PARD3B: variants seen among roughly 807,000 people sequenced by gnomAD.
PARD3B encodes partitioning defective 3 homolog B.
A neutral mutation model predicts 130.2 loss-of-function variants in PARD3B; 103 were observed. The observed-to-expected ratio is 0.79, with a 90% CI of 0.67 to 0.93. The LOEUF is 0.93. PARD3B is among the 40% of genes least tolerant of loss of function. The pLI, the probability that PARD3B is intolerant of heterozygous loss-of-function variation, is 0.00. For missense variants in PARD3B, 1,609 were observed against 1,499.2 expected, an observed-to-expected ratio of 1.07 and a Z score of -1.21; for synonymous variants, 583 against 553.2, an observed-to-expected ratio of 1.05 and a Z score of -0.76.
chr2:205,431,000 G>A lies in PARD3B; in HGVS notation c.2742-9370G>A, dbSNP rs141007180. On this transcript the variant is annotated intron_variant, in intron 19 of 22. Coordinates refer to ENST00000406610, the MANE Select transcript of PARD3B (RefSeq NM_001302769.2). ...TATTTTGATATGCCTTTGGAAGTAT[G>A]TAGGGGGATTTACTTTCAAAATGCT... Among the ~76,000 whole-genome samples the A allele has an allele frequency of 2.3e-4, 35 of 152,340 alleles. 1 individual carries two copies. In the East Asian group the frequency reaches 4.8e-3, roughly 21 times the overall value.
At chr2:205,150,144 A>G (rs532409888) in intron 10 of PARD3B, among the ~76,000 whole-genome samples, 10 of 152,282 alleles carry the variant, frequency 6.6e-5, no homozygotes, top group East Asian at 5.8e-4. Context: ...GCAAAGAATA[A>G]CAAGTAATGA....
intron 2 of PARD3B, among the ~76,000 whole-genome samples, chr2:204,794,563 A>G (rs1302415616): frequency 1.3e-5 from 2 of 152,188 alleles, no homozygotes; most frequent in Non-Finnish European, 2.9e-5. Flanking sequence ...CCAGGGCACT[A>G]TTATATGGTC....
intron 20 of PARD3B, among the ~76,000 whole-genome samples, chr2:205,468,358 G>A (rs2048705853): frequency 6.6e-6 from 1 of 152,314 alleles, no homozygotes; most frequent in East Asian, 1.9e-4. Context: ...CCTTACAGCA[G>A]AGCCTTCTCT....
At chr2:205,215,815 G>A (rs1187023414) in intron 15 of PARD3B, among the ~76,000 whole-genome samples, 1 of 151,828 alleles carries the variant, frequency 6.6e-6, no homozygotes, top group Non-Finnish European at 1.5e-5. Context: ...GACCAAGATG[G>A]AATATAAAAA....
intron 4 of PARD3B, chr2:205,048,139 C>A (rs533159590): frequency 2.6e-5 from 4 of 152,952 alleles, no homozygotes; most frequent in Middle Eastern, 3.4e-3. Flanking sequence ...CTTCCAGTTT[C>A]GTAATGTCCA....
rs796125381 is a variant in PARD3B at position 205,309,970 on chromosome 2, A to C, written c.2630+8269A>C. 5.9e-5 allele frequency among the ~76,000 whole-genome samples: 9 copies of C among 152,022 alleles called. No individual in the cohort carries two copies. The East Asian group carries it at 1.4e-3, about 23-fold the overall frequency. Reference sequence around the variant, plus strand: ...AAAGTAAAAACTGTCTATATATGGTATGCAACATGATGTTTTAATATATAT... The same window carrying C: ...AAAGTAAAAACTGTCTATATATGGTCTGCAACATGATGTTTTAATATATAT... On this transcript the variant is annotated intron_variant, in intron 18 of 22. Transcript: ENST00000406610. The surrounding 1 kb of genome is among the most constrained non-coding windows in gnomAD (Gnocchi z 4.7).
chr2:205,242,253 T>G (rs2039384471), intron 15 of PARD3B, among the ~76,000 whole-genome samples: 1 of 152,186 alleles, frequency 6.6e-6, no homozygotes. Context: ...TTTATATTAG[T>G]GTTTGATATA....
chr2:205,314,918 C>T (rs994507238), intron 18 of PARD3B, among the ~76,000 whole-genome samples: 1 of 152,146 alleles, frequency 6.6e-6, no homozygotes, highest in Admixed American at 6.5e-5. Context: ...TTCCCATCTC[C>T]ACCCTTCCGT....
At chr2:204,620,841 T>C (rs189114425) in intron 1 of PARD3B, among the ~76,000 whole-genome samples, 42 of 152,108 alleles carry the variant, frequency 2.8e-4, no homozygotes, top group Non-Finnish European at 4.3e-4. Context: ...GCTAGGGGAA[T>C]GGGGCAAGGA....
intron 21 of PARD3B, among the ~76,000 whole-genome samples, chr2:205,514,790 A>ATAT (rs2050723910): frequency 6.7e-6 from 1 of 149,768 alleles, no homozygotes. Flanking sequence ...CTTTTATTTT[A>ATAT]TATTTAACAA....
At chr2:204,746,626 A>C (rs1408471191) in intron 2 of PARD3B, among the ~76,000 whole-genome samples, 1 of 152,134 alleles carries the variant, frequency 6.6e-6, no homozygotes, top group Non-Finnish European at 1.5e-5. Flanking sequence ...ATTTCTCCAC[A>C]TCCTCTCCAG....
chr2:204,811,971 A>G (rs1187315355), intron 2 of PARD3B, among the ~76,000 whole-genome samples: 3 of 152,116 alleles, frequency 2.0e-5, no homozygotes, highest in African/African-American at 4.8e-5. Context: ...ATAAAAGTTC[A>G]CCGGAATTAA....
At chr2:205,150,182 A>G (rs1415986993) in intron 10 of PARD3B, among the ~76,000 whole-genome samples, 1 of 151,414 alleles carries the variant, frequency 6.6e-6, no homozygotes, top group Non-Finnish European at 1.5e-5. Context: ...TGAAATTCAC[A>G]AGATTTCCCT....
chr2:205,068,484 C>A (rs763072222), intron 4 of PARD3B, among the ~76,000 whole-genome samples: 5 of 150,764 alleles, frequency 3.3e-5, no homozygotes, highest in Non-Finnish European at 7.4e-5. Flanking sequence ...TTAGTTAATA[C>A]CCTCTATTCT....
At chr2:205,597,242 G>T (rs1409478962) in intron 22 of PARD3B, among the ~76,000 whole-genome samples, 1 of 152,070 alleles carries the variant, frequency 6.6e-6, no homozygotes, top group African/African-American at 2.4e-5. Context: ...TGTACTCAAT[G>T]TTTAGCTCCC....
intron 1 of PARD3B, among the ~76,000 whole-genome samples, chr2:204,685,351 TCTTCA>T (rs2037025018): frequency 6.6e-6 from 1 of 152,188 alleles, no homozygotes; most frequent in Admixed American, 6.6e-5. Flanking sequence ...CTCATGTTTT[TCTTCA>T]CTTCATTCAT....
chr2:204,750,383 A>G (rs746811351), intron 2 of PARD3B, among the ~76,000 whole-genome samples: 3 of 152,166 alleles, frequency 2.0e-5, no homozygotes, highest in Admixed American at 6.5e-5. Context: ...CAGCAGTTCA[A>G]GACCAGCCTG....
intron 3 of PARD3B, among the ~76,000 whole-genome samples, chr2:205,005,420 A>G (rs1483540427): frequency 6.6e-6 from 1 of 152,150 alleles, no homozygotes; most frequent in Non-Finnish European, 1.5e-5. Context: ...TTAAAAGGGC[A>G]CAAGTTTTCT....
chr2:205,161,572 G>T (rs849115), intron 11 of PARD3B, among the ~76,000 whole-genome samples: 118,180 of 152,142 alleles, frequency 0.78, 46,115 homozygotes, highest in Admixed American at 0.82. Flanking sequence ...CCACTGTTAC[G>T]CCTCGGAAAA....
Sources: allele counts gnomAD v4.1 joint callset (sites outside exome capture counted in the v4.1 genomes callset), GRCh38; gene constraint gnomAD v4.1.1; non-coding constraint Gnocchi (gnomAD v3.1); transcripts MANE v1.5; gene names NCBI Gene and HGNC (gene_info 2026-07-23, HGNC 2026-07-21).